Variants in AFF3 observed in about 807,000 individuals in gnomAD.
The protein encoded by AFF3 is ALF transcription elongation factor 3.
AFF3 carries 32 observed loss-of-function variants against 129.7 expected under a neutral mutation model. The ratio of observed to expected loss-of-function variants is 0.25; its 90% CI spans 0.19 to 0.33. The LOEUF is 0.33. Ranked by LOEUF, AFF3 falls within the 10% of genes least tolerant of loss-of-function variation. AFF3 has a pLI of 1.00. For missense variants in AFF3, 1,373 were observed against 1,592.0 expected (o/e 0.86, Z 2.34); for synonymous variants, 644 against 635.4 (o/e 1.01, Z -0.20).
intron 17 of AFF3, among the ~76,000 whole-genome samples, chr2:99,579,418 A>T (rs1239336082): frequency 8.2e-5 from 12 of 146,590 alleles, no homozygotes; most frequent in African/African-American, 2.5e-4. Flanking sequence ...AAAAAAAAAA[A>T]AATAAATAAA....
intron 7 of AFF3, among the ~76,000 whole-genome samples, chr2:99,984,258 T>C (rs958323916): frequency 4.6e-5 from 7 of 152,174 alleles, no homozygotes; most frequent in Non-Finnish European, 7.4e-5. Flanking sequence ...TAGGTATCAA[T>C]TGCTTCCAGT....
intron 4 of AFF3, among the ~76,000 whole-genome samples, chr2:100,020,566 C>A (rs925155413): frequency 6.6e-6 from 1 of 152,168 alleles, no homozygotes; most frequent in South Asian, 2.1e-4. Flanking sequence ...CAACCCCAGC[C>A]TCTACTTGTT....
At chr2:99,567,347 A>G (rs1027180549) in intron 19 of AFF3, among the ~76,000 whole-genome samples, 3 of 152,110 alleles carry the variant, frequency 2.0e-5, no homozygotes, top group African/African-American at 7.2e-5. Context: ...TATTTCCTAA[A>G]GCACCCAATT....
chr2:99,639,318 C>A (rs1171058801), intron 13 of AFF3, among the ~76,000 whole-genome samples: 1 of 152,172 alleles, frequency 6.6e-6, no homozygotes, highest in East Asian at 1.9e-4. Context: ...CGACAGCCTG[C>A]GTTTGTTCAC....
chr2:99,930,886 A>C (rs1696626377), intron 7 of AFF3, among the ~76,000 whole-genome samples: 1 of 152,178 alleles, frequency 6.6e-6, no homozygotes, highest in Admixed American at 6.5e-5. Context: ...GATCTGAGAG[A>C]TGTACATATT....
intron 7 of AFF3, among the ~76,000 whole-genome samples, chr2:99,960,859 AC>A (rs1480075757): frequency 1.3e-5 from 2 of 152,126 alleles, no homozygotes; most frequent in Non-Finnish European, 2.9e-5. Context: ...GCTAATCAGG[AC>A]CCAGCCTCCA....
At chr2:99,924,555 T>C (rs920282208) in intron 7 of AFF3, among the ~76,000 whole-genome samples, 4 of 152,186 alleles carry the variant, frequency 2.6e-5, no homozygotes, top group South Asian at 2.1e-4. Flanking sequence ...CACCAAATAA[T>C]AGTTGTATTC....
At chr2:99,770,340 G>A (rs537318898) in intron 8 of AFF3, among the ~76,000 whole-genome samples, 2 of 152,170 alleles carry the variant, frequency 1.3e-5, no homozygotes, top group South Asian at 2.1e-4. Flanking sequence ...CAGTCAAGTC[G>A]TGGTGAGTGC....
intron 7 of AFF3, among the ~76,000 whole-genome samples, chr2:99,966,557 G>T (rs1677776693): frequency 6.7e-6 from 1 of 148,908 alleles, no homozygotes; most frequent in Non-Finnish European, 1.5e-5. Context: ...GGGCGTAGTG[G>T]CGGGCGCCTG....
intron 12 of AFF3, among the ~76,000 whole-genome samples, chr2:99,660,326 C>T (rs1445126581): frequency 1.3e-5 from 2 of 152,212 alleles, no homozygotes; most frequent in African/African-American, 4.8e-5. Context: ...GCTTGAAGAA[C>T]TTAAATCTAA....
chr2:99,668,231 G>T (rs929503522), intron 12 of AFF3, among the ~76,000 whole-genome samples: 3 of 151,998 alleles, frequency 2.0e-5, no homozygotes, highest in African/African-American at 7.2e-5. Flanking sequence ...GAGTGCAGTG[G>T]CTTGATCATA....
At chr2:99,805,899 T>C (rs548674447) in intron 8 of AFF3, among the ~76,000 whole-genome samples, 56 of 152,044 alleles carry the variant, frequency 3.7e-4, no homozygotes, top group African/African-American at 1.3e-3. Context: ...GATGCTTTTG[T>C]TTTTGTCTCT....
At chr2:99,581,895 C>A (rs1241239812) in intron 17 of AFF3, among the ~76,000 whole-genome samples, 2 of 146,572 alleles carry the variant, frequency 1.4e-5, no homozygotes, top group African/African-American at 5.1e-5. Context: ...TGCTGTGTCG[C>A]CCAGGCTGGA....
chr2:99,691,959 G>A (rs566668223), intron 11 of AFF3, among the ~76,000 whole-genome samples: 2 of 152,328 alleles, frequency 1.3e-5, no homozygotes, highest in Admixed American at 6.5e-5. Flanking sequence ...CTAAATTCTT[G>A]TAATTTAGGA....
At position 99,947,495 on chromosome 2, in the gene AFF3, AAAAG is replaced by A. The variant is rs938349467; in HGVS notation, c.873+59133_873+59136del. ...AGACAGATAGACAGACAGAAAAAGA[AAAAG>A]AAAGAAAGAAAAAGAGAGAGAGAGA... On this transcript the variant is annotated intron_variant, in intron 7 of 24. Coordinates refer to ENST00000672756, the MANE Select transcript of AFF3 (RefSeq NM_001386135.1). Among the ~76,000 whole-genome samples the A allele has an allele frequency of 1.5e-4, 22 of 146,210 alleles. No homozygotes were observed. In the East Asian group the frequency reaches 1.9e-3, roughly 13 times the overall value.
intron 9 of AFF3, among the ~76,000 whole-genome samples, chr2:99,746,189 AAG>A (rs1281516440): frequency 1.2e-4 from 18 of 151,498 alleles, no homozygotes; most frequent in Non-Finnish European, 7.4e-5. Context: ...AAAAAAAAAA[AAG>A]GTAGCAGGAC....
At chr2:99,634,207 C>T (rs1683402897) in intron 13 of AFF3, among the ~76,000 whole-genome samples, 2 of 152,190 alleles carry the variant, frequency 1.3e-5, no homozygotes, top group Non-Finnish European at 2.9e-5. Context: ...TGTCCCAGGC[C>T]ACATCTTTTC....
At chr2:99,711,580 T>C (rs1558774664) in intron 11 of AFF3, among the ~76,000 whole-genome samples, 1 of 152,198 alleles carries the variant, frequency 6.6e-6, no homozygotes, top group East Asian at 1.9e-4. Context: ...AGCTTGGCAT[T>C]TAGGAGGTTT....
intron 7 of AFF3, among the ~76,000 whole-genome samples, chr2:99,940,300 A>C (rs1358860028): frequency 1.3e-5 from 2 of 152,200 alleles, no homozygotes; most frequent in African/African-American, 4.8e-5. Context: ...TTATCCTCAC[A>C]GTGTCAGAGG....
Sources: allele counts gnomAD v4.1 joint callset (sites outside exome capture counted in the v4.1 genomes callset), GRCh38; gene constraint gnomAD v4.1.1; transcripts MANE v1.5; gene names NCBI Gene and HGNC (gene_info 2026-07-23, HGNC 2026-07-21).